Variants in PRKCH observed in about 807,000 individuals in gnomAD.
The protein encoded by PRKCH is protein kinase C eta.
PRKCH carries 28 observed loss-of-function variants against 82.5 expected under a neutral mutation model. That is an observed-to-expected ratio of 0.34 (90% CI 0.25 to 0.47). The LOEUF (loss-of-function observed/expected upper bound fraction) is 0.47. Among genes scored for constraint, PRKCH ranks in the 20% least tolerant of loss-of-function variants. The pLI is 1.00. For synonymous variants in PRKCH, 322 were observed against 327.4 expected, an observed-to-expected ratio of 0.98 and a Z score of 0.18; for missense variants, 705 against 881.8, an observed-to-expected ratio of 0.80 and a Z score of 2.54.
chr14:61,452,425 C>T lies in PRKCH; in HGVS notation c.833-801C>T, dbSNP rs3825655. Among the ~76,000 whole-genome samples the T allele has an allele frequency of 0.019, 2,873 of 152,184 alleles. 196 individuals are homozygous for T. The East Asian group carries it at 0.26, about 14-fold the overall frequency. On this transcript the variant is annotated intron_variant, in intron 6 of 13. Transcript: ENST00000332981. ...CATAAAACAGGAATGTGTTGCTTGTCGCTTCAGTTTCACCTCCCATCAGCA... is the reference window on the plus strand; with the variant it reads ...CATAAAACAGGAATGTGTTGCTTGTTGCTTCAGTTTCACCTCCCATCAGCA...
intron 2 of PRKCH, among the ~76,000 whole-genome samples, chr14:61,431,862 T>G (rs17098351): frequency 0.62 from 94,034 of 152,022 alleles, 29,906 homozygotes; most frequent in Non-Finnish European, 0.7. Context: ...TGCATGTCTT[T>G]TGGCTAGTAT....
intron 12 of PRKCH, chr14:61,543,573 A>G (rs1426305978): frequency 6.6e-6 from 1 of 152,332 alleles, no homozygotes; most frequent in Middle Eastern, 3.4e-3. Context: ...TGTGTGCAGA[A>G]TATTTCATGA....
At chr14:61,515,245 A>C (rs546812040) in intron 10 of PRKCH, among the ~76,000 whole-genome samples, 2 of 152,284 alleles carry the variant, frequency 1.3e-5, no homozygotes, top group East Asian at 3.9e-4. Flanking sequence ...ATACTGTTTC[A>C]CTTCCTGGGA....
At chr14:61,540,036 G>A (rs1219344485) in intron 12 of PRKCH, among the ~76,000 whole-genome samples, 2 of 152,166 alleles carry the variant, frequency 1.3e-5, no homozygotes, top group East Asian at 1.9e-4. Flanking sequence ...TCTTCTGGCC[G>A]ACAGCTCTTT....
At chr14:61,319,492 T>G (rs2099487046), upstream of PRKCH, among the ~76,000 whole-genome samples, 1 of 151,926 alleles carries the variant, frequency 6.6e-6, no homozygotes, top group East Asian at 1.9e-4. Context: ...GAAGATGGAG[T>G]GTCTGGTATC....
Position 61,254,009 on chromosome 14 carries a change from CCCTTCCTT to C in PRKCH, c.-19+66354_-19+66361del, listed in dbSNP as rs923432843. Among the ~76,000 whole-genome samples, 192 of 105,002 alleles carry C rather than the reference CCCTTCCTT, an allele frequency of 1.8e-3. 3 individuals are homozygous for C. Among genetic ancestry groups the C allele is most frequent in the Non-Finnish European group, 2.1e-3 (116 of 54,126 alleles). 68.9% of individuals were successfully genotyped at this position (105,002 alleles called of 152,430 possible). The stretch of plus-strand genomic sequence containing the variant: ...TCCCTCCCTCCCTCCCTCCCTCCCT[CCCTTCCTT>C]CCTTCCTTCCTTTCTTCTTTCAACA... On this transcript the variant is annotated intron_variant, in intron 1 of 3. Transcript: ENST00000555185.
intron 2 of PRKCH, among the ~76,000 whole-genome samples, chr14:61,392,984 T>C (rs2046708806): frequency 6.6e-6 from 1 of 152,208 alleles, no homozygotes; most frequent in Non-Finnish European, 1.5e-5. Context: ...TCTAGCACCA[T>C]TTATTAAAAG....
chr14:61,207,993 G>A (rs966937394), intron 1 of PRKCH, among the ~76,000 whole-genome samples: 1 of 152,224 alleles, frequency 6.6e-6, no homozygotes, highest in African/African-American at 2.4e-5. Context: ...CAAATGTATG[G>A]CTGTTTGAAT....
intron 1 of PRKCH, among the ~76,000 whole-genome samples, chr14:61,199,619 A>T (rs1159314862): frequency 4.7e-5 from 7 of 150,336 alleles, no homozygotes; most frequent in South Asian, 2.1e-4. Context: ...TTTTTGTTTC[A>T]TTTTTTTTTT....
At chr14:61,479,192 C>G (rs1249608818) in intron 9 of PRKCH, among the ~76,000 whole-genome samples, 1 of 152,210 alleles carries the variant, frequency 6.6e-6, no homozygotes, top group Non-Finnish European at 1.5e-5. Context: ...CCCAGTCTTT[C>G]TCCACTCTCT....
chr14:61,378,350 T>C lies in PRKCH; in HGVS notation c.364-12875T>C, dbSNP rs562069137. Among the ~76,000 whole-genome samples the C allele has an allele frequency of 6.6e-5, 10 of 152,050 alleles. No individual in the cohort carries two copies. In the South Asian group the frequency reaches 1.0e-3, roughly 16 times the overall value. ...GTTTCAGCCTCCCAAGTAGCTGGGA[T>C]TACAAGCATGTACCACCACATCTGG... is the stretch of plus-strand genomic sequence containing the variant. On this transcript the variant is annotated intron_variant, in intron 1 of 13. Coordinates refer to ENST00000332981, the MANE Select transcript of PRKCH (RefSeq NM_006255.5).
chr14:61,193,291 A>G (rs2044419443), intron 1 of PRKCH, among the ~76,000 whole-genome samples: 1 of 152,230 alleles, frequency 6.6e-6, no homozygotes, highest in African/African-American at 2.4e-5. Flanking sequence ...ACTTTAATTG[A>G]AAATGCAGCA....
chr14:61,418,194 T>C lies in PRKCH; in HGVS notation c.428-24917T>C, dbSNP rs77284558. Among the ~76,000 whole-genome samples the C allele has an allele frequency of 8.3e-3, 1,264 of 152,358 alleles. 21 individuals carry two copies. Among genetic ancestry groups the C allele is most frequent in the South Asian group, 0.035 (167 of 4,828 alleles). On this transcript the variant is annotated intron_variant, in intron 2 of 13. Coordinates refer to ENST00000332981, the MANE Select transcript of PRKCH (RefSeq NM_006255.5). ...TAAGTGTACTTGTCATGTAGAGTTT[T>C]ACCAAAACTATATTAGATTATACTC...
intron 1 of PRKCH, among the ~76,000 whole-genome samples, chr14:61,290,670 A>G (rs2045353275): frequency 6.6e-6 from 1 of 152,222 alleles, no homozygotes; most frequent in African/African-American, 2.4e-5. Flanking sequence ...AGAGTTTGAA[A>G]CTGACCTAAA....
chr14:61,281,440 G>GT (rs942494440), intron 1 of PRKCH: 5 of 275,188 alleles, frequency 1.8e-5, no homozygotes, highest in African/African-American at 4.5e-5. Flanking sequence ...GCAGGTGGGT[G>GT]TTTTTTACCT....
intron 10 of PRKCH, among the ~76,000 whole-genome samples, chr14:61,493,938 C>T (rs937930860): frequency 4.0e-5 from 6 of 151,826 alleles, no homozygotes; most frequent in African/African-American, 1.2e-4. Flanking sequence ...AAAAAGAAAC[C>T]GGAAATCATT....
chr14:61,375,417 T>C (rs1354875198), intron 1 of PRKCH, among the ~76,000 whole-genome samples: 3 of 152,200 alleles, frequency 2.0e-5, no homozygotes, highest in South Asian at 2.1e-4. Flanking sequence ...GATATCTTTA[T>C]AGCAGTACCC....
At chr14:61,451,125 G>A (rs966241770) in intron 6 of PRKCH, among the ~76,000 whole-genome samples, 154 bp downstream of exon 6, 2 of 152,132 alleles carry the variant, frequency 1.3e-5, no homozygotes, top group Non-Finnish European at 2.9e-5. Flanking sequence ...CATGTTTCTT[G>A]TCAGGCATGT....
intron 1 of PRKCH, among the ~76,000 whole-genome samples, chr14:61,205,592 G>A (rs757387546): frequency 5.9e-5 from 9 of 152,290 alleles, no homozygotes; most frequent in East Asian, 3.9e-4. Context: ...ACTTCCTGCC[G>A]TGCTGACAGC....
Sources: allele counts gnomAD v4.1 joint callset (sites outside exome capture counted in the v4.1 genomes callset), GRCh38; gene constraint gnomAD v4.1.1; transcripts MANE v1.5; gene names NCBI Gene and HGNC (gene_info 2026-07-23, HGNC 2026-07-21).